Variants in SYNE1 observed in about 807,000 individuals in gnomAD.
SYNE1 encodes nesprin-1.
A neutral mutation model predicts 1,111.0 loss-of-function variants in SYNE1; 616 were observed. The ratio of observed to expected loss-of-function variants is 0.55; its 90% confidence interval spans 0.52 to 0.59. The LOEUF (loss-of-function observed/expected upper bound fraction) is 0.59, where lower values mean the gene tolerates loss of function less well. Ranked by LOEUF, SYNE1 falls within the 20% of genes least tolerant of loss-of-function variation. The probability of loss-of-function intolerance (pLI) is 0.00; values close to 1 mark genes in which losing one functional copy is unlikely to be tolerated. For synonymous variants in SYNE1, 3,855 were observed against 3,825.8 expected (o/e 1.01, Z -0.28); for missense variants, 10,006 against 10,417.0 (o/e 0.96, Z 1.72).
chr6:152,350,830 A>G (rs2096729258), intron 70 of SYNE1, 60 bp from the exon 71 acceptor site: 4 of 1,597,786 alleles, frequency 2.5e-6, no homozygotes, highest in Admixed American at 3.3e-5. Flanking sequence ...ATGAATACAT[A>G]CATATTCCCA....
chr6:152,264,791 C>T (rs758729100), intron 100 of SYNE1, among the ~76,000 whole-genome samples: 3 of 151,972 alleles, frequency 2.0e-5, no homozygotes, highest in African/African-American at 7.3e-5. Flanking sequence ...CAGAGTGAGA[C>T]CCTGTCTCAA....
At chr6:152,350,124 T>G in intron 72 of SYNE1, 44 bp downstream of exon 72, 1 of 1,611,622 alleles carries the variant, frequency 6.2e-7, no homozygotes, top group Non-Finnish European at 8.5e-7. Flanking sequence ...GTACACACAC[T>G]GGTGAAGCCA....
At chr6:152,314,641 G>T (rs898942871) in intron 87 of SYNE1, among the ~76,000 whole-genome samples, 3 of 152,074 alleles carry the variant, frequency 2.0e-5, no homozygotes, top group Non-Finnish European at 4.4e-5. Flanking sequence ...CCTAACCAAA[G>T]TCCTAGTTTG....
chr6:152,556,978 T>A (rs766490775), intron 3 of SYNE1, among the ~76,000 whole-genome samples: 1 of 152,076 alleles, frequency 6.6e-6, no homozygotes, highest in Non-Finnish European at 1.5e-5. Context: ...ATCTATGAAC[T>A]GCTTGAGAAA....
At chr6:152,381,551 G>GAAAAAA in intron 55 of SYNE1, 189 bp from the exon 56 acceptor site, 1 of 636,196 alleles carries the variant, frequency 1.6e-6, no homozygotes, top group Admixed American at 2.8e-5. Context: ...GAGTGCCTAA[G>GAAAAAA]GCTTATGGCA....
At chr6:152,123,325 G>A (rs2052106396) in intron 145 of SYNE1, among the ~76,000 whole-genome samples, 1 of 152,170 alleles carries the variant, frequency 6.6e-6, no homozygotes, top group African/African-American at 2.4e-5. Context: ...CAGAACACTG[G>A]TGTTGTATGA....
At chr6:152,365,845 C>A (rs745652087) in intron 62 of SYNE1, among the ~76,000 whole-genome samples, 8 of 152,142 alleles carry the variant, frequency 5.3e-5, no homozygotes, top group Non-Finnish European at 1.2e-4. Context: ...GTGGTTCTTG[C>A]CAACTTCCAA....
At chr6:152,387,521 G>A (rs1410093208) in intron 53 of SYNE1, 140 bp from the exon 54 acceptor site, 5 of 799,866 alleles carry the variant, frequency 6.3e-6, no homozygotes, top group Non-Finnish European at 6.1e-6. Context: ...TTGAGTGCAG[G>A]GAGAAACACT....
At position 152,435,725 on chromosome 6, in the gene SYNE1, C is replaced by T. The variant is rs1167136826; in HGVS notation, c.4310+216G>A. On this transcript the variant is annotated intron_variant, in intron 33 of 145. Transcript: ENST00000367255. ...TCATGAACATGATCAGTTTAAGATG[C>T]AAAACCCACATCCTTTATATTTTTT... 7 of 611,432 alleles carry T rather than the reference C, an allele frequency of 1.1e-5. No homozygotes were observed. The South Asian group carries it at 1.3e-4, about 11-fold the overall frequency. The allele number at this position is 611,432 out of a possible 1,614,324, so 37.9% of individuals were successfully genotyped here.
intron 50 of SYNE1, among the ~76,000 whole-genome samples, chr6:152,396,355 A>T (rs1385005573): frequency 6.6e-6 from 1 of 152,156 alleles, no homozygotes; most frequent in East Asian, 1.9e-4. Context: ...CTCCCCTTCT[A>T]ATCGTATATT....
At chr6:152,536,488 A>C (rs1454052928) in intron 4 of SYNE1, among the ~76,000 whole-genome samples, 2 of 144,338 alleles carry the variant, frequency 1.4e-5, no homozygotes, top group Non-Finnish European at 3.0e-5. Flanking sequence ...AGTAATATAT[A>C]TTAAGTGTAC....
chr6:152,506,828 C>T (rs540479011), intron 8 of SYNE1, among the ~76,000 whole-genome samples: 16 of 152,288 alleles, frequency 1.1e-4, no homozygotes, highest in Middle Eastern at 3.4e-3. Flanking sequence ...CCACCTGCCT[C>T]GGCCCCCCAA....
intron 21 of SYNE1, among the ~76,000 whole-genome samples, chr6:152,460,581 T>G (rs2098725912): frequency 6.6e-6 from 1 of 152,100 alleles, no homozygotes; most frequent in Non-Finnish European, 1.5e-5. Flanking sequence ...ATTCATTTAT[T>G]ATAATCACTT....
intron 18 of SYNE1, among the ~76,000 whole-genome samples, chr6:152,464,032 T>C (rs951119571): frequency 1.3e-5 from 2 of 152,204 alleles, no homozygotes; most frequent in African/African-American, 2.4e-5. Flanking sequence ...AATTTCTTTT[T>C]GACCTGCTAC....
intron 14 of SYNE1, among the ~76,000 whole-genome samples, chr6:152,472,928 C>A (rs567045299): frequency 4.7e-4 from 72 of 152,222 alleles, no homozygotes; most frequent in Non-Finnish European, 6.5e-4. Flanking sequence ...TTGAAATACC[C>A]TTTTGATTAG....
At chr6:152,575,389 A>T (rs546061545) in intron 3 of SYNE1, among the ~76,000 whole-genome samples, 1 of 152,314 alleles carries the variant, frequency 6.6e-6, no homozygotes, top group South Asian at 2.1e-4. Context: ...TGGGTTCTGC[A>T]TTAGATGCCC....
At position 152,347,081 on chromosome 6, in the gene SYNE1, G is replaced by C; in HGVS notation, c.12056C>G (p.Ala4019Gly). 6.2e-7 allele frequency: 1 copy of C among 1,614,136 alleles called. No individual in the cohort carries two copies. ...HLQGTKDSYS[A>G]ICSTAQRMYQ... Reference sequence around the variant, plus strand: ...CACCCTCTGAGCTGTGCTGCAGATCGCTGAGTAGCTGTCCTTTGTGCCCTG... The same window carrying C: ...CACCCTCTGAGCTGTGCTGCAGATCCCTGAGTAGCTGTCCTTTGTGCCCTG... Residue 4019 changes from alanine (A) to glycine (G), a missense_variant, in exon 73 of 146, where the codon GCG becomes GGG. This residue lies in a region of SYNE1 where 4,955 missense variants were observed against 5,017.2 expected (regional missense o/e 0.99). Transcript: ENST00000367255.
chr6:152,246,100 G>T (rs747698720), intron 105 of SYNE1, among the ~76,000 whole-genome samples: 12 of 152,048 alleles, frequency 7.9e-5, no homozygotes, highest in Non-Finnish European at 1.6e-4. Context: ...TTTGACAGAA[G>T]GATTCTCTAA....
At chr6:152,567,400 C>T (rs184842069) in intron 3 of SYNE1, among the ~76,000 whole-genome samples, 1 of 150,420 alleles carries the variant, frequency 6.6e-6, no homozygotes, top group East Asian at 1.9e-4. Flanking sequence ...ATTTTGTTTT[C>T]CTAACCTACA....
Sources: allele counts gnomAD v4.1 joint callset (sites outside exome capture counted in the v4.1 genomes callset), GRCh38; gene constraint gnomAD v4.1.1; regional missense constraint gnomAD v4.1.1; transcripts MANE v1.5; gene names NCBI Gene and HGNC (gene_info 2026-07-23, HGNC 2026-07-21).